The following PRKCB variants were observed in gnomAD, a reference collection of about 807,000 sequenced individuals.
PRKCB encodes the protein protein kinase C beta type.
A neutral mutation model predicts 81.5 loss-of-function variants in PRKCB; 13 were observed. The observed-to-expected ratio is 0.16, with a 90% confidence interval of 0.10 to 0.25. PRKCB has a LOEUF of 0.25. Ranked by LOEUF, PRKCB falls within the 10% of genes least tolerant of loss-of-function variation. The probability of loss-of-function intolerance (pLI) is 1.00; values close to 1 mark genes in which losing one functional copy is unlikely to be tolerated. For missense variants in PRKCB, 509 were observed against 875.7 expected (o/e 0.58, Z 5.29); for synonymous variants, 335 against 321.4 (o/e 1.04, Z -0.45).
intron 16 of PRKCB, among the ~76,000 whole-genome samples, chr16:24,201,156 T>C (rs1174554393): frequency 6.6e-6 from 1 of 152,186 alleles, no homozygotes; most frequent in Non-Finnish European, 1.5e-5. Context: ...ACTCCTGCTC[T>C]GGACTCCAGC....
chr16:24,025,314 G>A lies in PRKCB; in HGVS notation c.289-6822G>A, dbSNP rs570315376. On this transcript the variant is annotated intron_variant, in intron 3 of 16. Transcript: ENST00000643927. Reference sequence around the variant, plus strand: ...GTGCTTGCCACGGGCAAAACACTTCGTCTCTTAGTTCTTCGGTTTCCTCAT... The same window carrying A: ...GTGCTTGCCACGGGCAAAACACTTCATCTCTTAGTTCTTCGGTTTCCTCAT... 8.5e-5 allele frequency among the ~76,000 whole-genome samples: 13 copies of A among 152,332 alleles called. No homozygotes were observed. The South Asian group carries it at 1.5e-3, about 17-fold the overall frequency.
intron 10 of PRKCB, among the ~76,000 whole-genome samples, chr16:24,167,126 TA>T (rs2141962244): frequency 6.7e-6 from 1 of 149,490 alleles, no homozygotes; most frequent in African/African-American, 2.5e-5. Flanking sequence ...ATGCTATTTT[TA>T]GGCTTGTTTT....
chr16:24,106,293 A>AC, intron 7 of PRKCB, among the ~76,000 whole-genome samples: 1 of 152,310 alleles, frequency 6.6e-6, no homozygotes, highest in South Asian at 2.1e-4. Flanking sequence ...AAATTAGTTA[A>AC]TATAAGTGAG....
In PRKCB at chr16:23,950,132, A is replaced by ATT. The variant is rs34117735; in HGVS notation, c.206-38351_206-38350dup. 5.5e-3 allele frequency among the ~76,000 whole-genome samples: 537 copies of ATT among 97,578 alleles called. 39 individuals are homozygous for ATT. The highest frequency in any genetic ancestry group is 0.019 in the African/African-American group (451 of 24,052). The allele number at this position is 97,578 out of a possible 152,430, so 64.0% of individuals were successfully genotyped here. A position where few individuals can be genotyped will look rare whatever the true frequency, so the allele number is the denominator to read the frequency against. On this transcript the variant is annotated intron_variant, in intron 2 of 16. Coordinates refer to ENST00000643927, the MANE Select transcript of PRKCB (RefSeq NM_002738.7). ...AGCAGCATTGGCCCCTATGATTTGAATTTTTTTTTTTTTTTTTTTTTTTTT... is the reference window on the plus strand; with the variant it reads ...AGCAGCATTGGCCCCTATGATTTGAATTTTTTTTTTTTTTTTTTTTTTTTTTT...
At chr16:23,919,198 T>G (rs1407241458) in intron 2 of PRKCB, among the ~76,000 whole-genome samples, 2 of 152,214 alleles carry the variant, frequency 1.3e-5, no homozygotes, top group Non-Finnish European at 2.9e-5. Context: ...TATAAGTTGT[T>G]AAGGATCCAG....
chr16:23,987,073 C>T (rs1964812476), intron 2 of PRKCB, among the ~76,000 whole-genome samples: 1 of 152,108 alleles, frequency 6.6e-6, no homozygotes, highest in Non-Finnish European at 1.5e-5. Flanking sequence ...TCCCTGATTG[C>T]CTTACAGTTT....
intron 2 of PRKCB, among the ~76,000 whole-genome samples, chr16:23,912,773 A>G (rs1281047483): frequency 6.6e-6 from 1 of 151,248 alleles, no homozygotes; most frequent in Non-Finnish European, 1.5e-5. Context: ...TTGGCCTCCC[A>G]AAGGGCTGGG....
intron 16 of PRKCB, among the ~76,000 whole-genome samples, chr16:24,201,585 G>A (rs1366771808): frequency 6.6e-6 from 1 of 152,180 alleles, no homozygotes; most frequent in Admixed American, 6.5e-5. Context: ...CACTGCACCA[G>A]GGGGATGGAA....
chr16:24,058,358 A>C (rs1965930877), intron 5 of PRKCB, among the ~76,000 whole-genome samples: 1 of 152,156 alleles, frequency 6.6e-6, no homozygotes, highest in African/African-American at 2.4e-5. Flanking sequence ...GTGCTAGTGC[A>C]GTGCACAATT....
intron 9 of PRKCB, among the ~76,000 whole-genome samples, chr16:24,124,809 G>C (rs1341872443): frequency 6.6e-6 from 1 of 152,136 alleles, no homozygotes; most frequent in Non-Finnish European, 1.5e-5. Context: ...AAAAACCTGG[G>C]AGTTATCCCT....
intron 5 of PRKCB, among the ~76,000 whole-genome samples, chr16:24,060,137 C>T (rs146086645): frequency 8.9e-4 from 135 of 152,280 alleles, no homozygotes; most frequent in Middle Eastern, 6.8e-3. Context: ...TAAGCAGAAG[C>T]GGTCCTAGGC....
chr16:23,884,415 G>A (rs575501845), intron 2 of PRKCB, among the ~76,000 whole-genome samples: 6 of 152,212 alleles, frequency 3.9e-5, no homozygotes, highest in East Asian at 1.9e-4. Flanking sequence ...CTTAGCTCTC[G>A]TTTTCTGCCT....
chr16:23,873,193 A>C (rs1436055540), intron 2 of PRKCB, among the ~76,000 whole-genome samples: 37 of 81,416 alleles, frequency 4.5e-4, no homozygotes, highest in African/African-American at 1.8e-3. Flanking sequence ...CACACACAAA[A>C]AAAAAAAAAA....
chr16:24,150,313 AT>A (rs963747330), intron 9 of PRKCB, among the ~76,000 whole-genome samples: 32 of 152,164 alleles, frequency 2.1e-4, no homozygotes, highest in African/African-American at 7.7e-4. Context: ...CAGGGTGAGA[AT>A]CTGTCTCAAA....
At chr16:24,094,129 C>T (rs1164568206) in intron 6 of PRKCB, 34 bp from the exon 7 acceptor site, 9 of 1,602,594 alleles carry the variant, frequency 5.6e-6, no homozygotes, top group Non-Finnish European at 7.7e-6. Context: ...ATTACTACAA[C>T]CTCCACTGAT....
chr16:24,063,708 T>G (rs1324669892), intron 5 of PRKCB, among the ~76,000 whole-genome samples: 1 of 152,140 alleles, frequency 6.6e-6, no homozygotes, highest in East Asian at 1.9e-4. Flanking sequence ...GTAGCCTGCA[T>G]GAATGCTGCT....
Position 24,214,882 on chromosome 16 carries a change from T to G in PRKCB, c.*66T>G. On this transcript the variant is annotated 3_prime_UTR_variant, in exon 17 of 17. Coordinates refer to ENST00000643927, the MANE Select transcript of PRKCB (RefSeq NM_002738.7). ...GCTCAACGGCTATTGTGGTGACATT[T>G]TTATGTTTTTCATTGCCAAGTTGCA... The G allele has an allele frequency of 6.3e-7, 1 of 1,576,810 alleles. No homozygotes were observed. Among genetic ancestry groups the G allele is most frequent in the South Asian group, 1.2e-5 (1 of 84,384 alleles).
intron 5 of PRKCB, among the ~76,000 whole-genome samples, chr16:24,087,703 A>G (rs1966326795): frequency 6.6e-6 from 1 of 152,234 alleles, no homozygotes; most frequent in African/African-American, 2.4e-5. Flanking sequence ...AGATAATTGT[A>G]TCTTCTTAGA....
intron 9 of PRKCB, among the ~76,000 whole-genome samples, chr16:24,143,422 G>A (rs964912577): frequency 3.3e-5 from 5 of 152,098 alleles, no homozygotes; most frequent in African/African-American, 1.2e-4. Flanking sequence ...ATGAGTCACC[G>A]TGCCCGGCCG....
Sources: gnomAD v4.1 joint callset for allele counts (sites outside exome capture counted in the v4.1 genomes callset) on GRCh38, gnomAD v4.1.1 for gene constraint, MANE v1.5 for transcripts, NCBI Gene and HGNC (gene_info 2026-07-23, HGNC 2026-07-21) for gene names.